Variants in ITK observed in about 807,000 individuals in gnomAD.
ITK encodes tyrosine-protein kinase ITK/TSK.
ITK carries 45 observed loss-of-function variants against 87.6 expected under a neutral mutation model. That is an observed-to-expected ratio of 0.51 (90% CI 0.40 to 0.66). ITK has a LOEUF of 0.66. Among genes scored for constraint, ITK ranks in the 30% least tolerant of loss-of-function variants. ITK has a pLI of 0.00. For synonymous variants in ITK, 303 were observed against 273.6 expected (o/e 1.11, Z -1.06); for missense variants, 605 against 766.3 (o/e 0.79, Z 2.48).
In ITK at chr5:157,245,604, T is replaced by C. The variant is rs950846699; in HGVS notation, c.1450-122T>C. ...CTTAATTAACATTTGTAAAGCTCCA[T>C]GATGCCCTTGTATGACAGCACTGCA... On this transcript the variant is annotated intron_variant, in intron 13 of 16. Coordinates refer to ENST00000422843, the MANE Select transcript of ITK (RefSeq NM_005546.4). The C allele has an allele frequency of 3.1e-5, 25 of 795,086 alleles. No individual in the cohort carries two copies. In the Middle Eastern group the frequency reaches 8.9e-4, roughly 28 times the overall value. The allele number at this position is 795,086 out of a possible 1,614,324, so 49.3% of individuals were successfully genotyped here.
chr5:157,181,097 C>T lies in ITK; in HGVS notation c.120C>T (p.Tyr40=). Residue 40 remains tyrosine, a synonymous_variant, in exon 1 of 17, where the codon TAC becomes TAT. Transcript: ENST00000422843. The stretch of plus-strand genomic sequence containing the variant: ...TGTTAACCAAAGCCAGCCTGGCATA[C>T]TTTGAAGATCGTCATGGGGTATGTG... ...FFVLTKASLA[Y]FEDRHGKKRT... 1.2e-6 allele frequency: 2 copies of T among 1,614,064 alleles called. No homozygotes were observed. Among genetic ancestry groups the T allele is most frequent in the Non-Finnish European group, 1.7e-6 (2 of 1,179,898 alleles).
At chr5:157,228,510 T>A in intron 7 of ITK, 149 bp downstream of exon 7, 1 of 641,782 alleles carries the variant, frequency 1.6e-6, no homozygotes, top group Non-Finnish European at 2.8e-6. Flanking sequence ...GATACCTAAA[T>A]AAGGCTTTCC....
At chr5:157,219,787 C>T (rs1237324163) in intron 5 of ITK, among the ~76,000 whole-genome samples, 2 of 152,178 alleles carry the variant, frequency 1.3e-5, no homozygotes, top group South Asian at 4.1e-4. Flanking sequence ...TCAACAGTCC[C>T]GCCTAAACCC....
chr5:157,245,190 A>T (rs936555899), intron 13 of ITK: 2 of 187,496 alleles, frequency 1.1e-5, no homozygotes, highest in Non-Finnish European at 2.2e-5. Context: ...AAGCCACTAC[A>T]CTCCAGCCTG....
chr5:157,237,404 G>A (rs1416775683), intron 8 of ITK, among the ~76,000 whole-genome samples: 2 of 152,172 alleles, frequency 1.3e-5, no homozygotes, highest in East Asian at 3.9e-4. Flanking sequence ...AGAGTGGCAA[G>A]GATAGAAAAA....
At chr5:157,211,469 CTGATTTCTCTTT>C (rs1408514427) in intron 3 of ITK, 101 bp downstream of exon 3, 2 of 1,001,680 alleles carry the variant, frequency 2.0e-6, no homozygotes, top group African/African-American at 3.2e-5. Context: ...CAGCTGATGG[CTGATTTCTCTTT>C]TGGGGTTGGT....
In ITK at chr5:157,254,116, T is replaced by C. The variant is rs1561667953; in HGVS notation, c.*1438T>C. On this transcript the variant is annotated 3_prime_UTR_variant, in exon 17 of 17. Transcript: ENST00000422843. Reference sequence around the variant, plus strand: ...TTTATTCCTATTCGACACTGGCTTCTACTGAAAATGAAACGGATTGCAGAG... The same window carrying C: ...TTTATTCCTATTCGACACTGGCTTCCACTGAAAATGAAACGGATTGCAGAG... 1 of 228,416 alleles carries C rather than the reference T, an allele frequency of 4.4e-6. No individual in the cohort carries two copies. The highest frequency in any genetic ancestry group is 2.2e-5 in the African/African-American group (1 of 45,076). 14.1% of individuals were successfully genotyped at this position (228,416 alleles called of 1,614,324 possible). A position where few individuals can be genotyped will look rare whatever the true frequency, so the allele number is the denominator to read the frequency against.
intron 12 of ITK, 170 bp from the exon 13 acceptor site, chr5:157,244,092 C>T (rs140958911): frequency 0.015 from 10,471 of 713,378 alleles, 107 homozygotes; most frequent in Non-Finnish European, 0.021. Context: ...TGCCATTTTT[C>T]AGGTCTCAGC....
In ITK at chr5:157,229,635, C is replaced by T. The variant is rs144791204; in HGVS notation, c.713+1274C>T. ...CCACATTAAAAAAGACTAAAGAGGT[C>T]GGGCGCAGTGGCCCACACCTGTAGT... On this transcript the variant is annotated intron_variant, in intron 7 of 16. Coordinates refer to ENST00000422843, the MANE Select transcript of ITK (RefSeq NM_005546.4). 4.3e-4 allele frequency among the ~76,000 whole-genome samples: 66 copies of T among 152,226 alleles called. 1 individual carries two copies. The highest frequency in any genetic ancestry group is 1.6e-3 in the African/African-American group (65 of 41,548).
intron 8 of ITK, among the ~76,000 whole-genome samples, chr5:157,236,778 T>C (rs927603998): frequency 6.6e-6 from 1 of 152,160 alleles, no homozygotes; most frequent in African/African-American, 2.4e-5. Context: ...AGTGCTTATT[T>C]CATCAGTGCT....
intron 5 of ITK, among the ~76,000 whole-genome samples, chr5:157,218,580 T>C (rs1438774924): frequency 2.6e-5 from 4 of 151,938 alleles, no homozygotes; most frequent in African/African-American, 7.3e-5. Context: ...CATTTGTTGA[T>C]ATTTTATATA....
At chr5:157,217,966 T>G in intron 5 of ITK, 59 bp downstream of exon 5, 1 of 1,443,234 alleles carries the variant, frequency 6.9e-7, no homozygotes. Flanking sequence ...GATTGGCATG[T>G]TCCTATTTGC....
chr5:157,181,394 T>A (rs1753512128), intron 1 of ITK, among the ~76,000 whole-genome samples: 1 of 152,206 alleles, frequency 6.6e-6, no homozygotes, highest in Non-Finnish European at 1.5e-5. Flanking sequence ...AAATTATGAA[T>A]AACATTTTAG....
chr5:157,209,619 T>C (rs1754148652), intron 2 of ITK, among the ~76,000 whole-genome samples: 1 of 152,166 alleles, frequency 6.6e-6, no homozygotes, highest in Non-Finnish European at 1.5e-5. Flanking sequence ...GCCTGAAACC[T>C]AATGTGCTTT....
intron 3 of ITK, among the ~76,000 whole-genome samples, chr5:157,213,871 A>T (rs1326255387): frequency 6.6e-6 from 1 of 152,198 alleles, no homozygotes; most frequent in Admixed American, 6.5e-5. Flanking sequence ...ACCTTTGTAG[A>T]GCCCAGTGTT....
intron 1 of ITK, among the ~76,000 whole-genome samples, chr5:157,200,403 G>A (rs1224399319): frequency 1.3e-5 from 2 of 152,234 alleles, no homozygotes; most frequent in Non-Finnish European, 1.5e-5. Context: ...GGTGGCTTTT[G>A]TGTGGTTTCC....
At chr5:157,239,896 C>T (rs74423173) in intron 9 of ITK, among the ~76,000 whole-genome samples, 166 bp from the exon 10 acceptor site, 6 of 152,306 alleles carry the variant, frequency 3.9e-5, no homozygotes, top group Admixed American at 6.5e-5. Context: ...CACAGTACTG[C>T]AGCACCCAGG....
At chr5:157,228,728 G>A (rs1754587606) in intron 7 of ITK, among the ~76,000 whole-genome samples, 1 of 150,684 alleles carries the variant, frequency 6.6e-6, no homozygotes, top group African/African-American at 2.5e-5. Flanking sequence ...TCAACCTACT[G>A]GGCTCAAGCA....
At chr5:157,199,459 C>G (rs745568633) in intron 1 of ITK, 1 of 152,186 alleles carries the variant, frequency 6.6e-6, no homozygotes, top group Non-Finnish European at 1.5e-5. Context: ...CCTTTGCAAT[C>G]CAGCATAAGC....
Sources: allele counts gnomAD v4.1 joint callset (sites outside exome capture counted in the v4.1 genomes callset), GRCh38; gene constraint gnomAD v4.1.1; transcripts MANE v1.5; gene names NCBI Gene and HGNC (gene_info 2026-07-23, HGNC 2026-07-21).